KCNK12: variants seen among roughly 807,000 people sequenced by gnomAD.
The protein encoded by KCNK12 is potassium channel subfamily K member 12.
A neutral mutation model predicts 25.3 loss-of-function variants in KCNK12; 6 were observed. That is an observed-to-expected ratio of 0.24 (90% confidence interval 0.13 to 0.47). The LOEUF (loss-of-function observed/expected upper bound fraction) is 0.47. Among genes scored for constraint, KCNK12 ranks in the 20% least tolerant of loss-of-function variants. The probability of loss-of-function intolerance (pLI) is 0.99; values close to 1 mark genes in which losing one functional copy is unlikely to be tolerated. For synonymous variants in KCNK12, 331 were observed against 311.1 expected, an observed-to-expected ratio of 1.06 and a Z score of -0.67; for missense variants, 444 against 661.7, an observed-to-expected ratio of 0.67 and a Z score of 3.61.
At position 47,562,171 on chromosome 2, in the gene KCNK12, C is replaced by T. The variant is rs181261361; in HGVS notation, c.391+7770G>A. 1 of 398,664 alleles carries T rather than the reference C, an allele frequency of 2.5e-6. No individual in the cohort carries two copies. The highest frequency in any genetic ancestry group is 4.4e-6 in the Non-Finnish European group (1 of 226,088). 24.7% of individuals were successfully genotyped at this position (398,664 alleles called of 1,614,324 possible). ...CAGGTCCCACCCCAGACCTACTCAA[C>T]AGAAACTACTTGGTAAGCAGATTCC... On this transcript the variant is annotated intron_variant, in intron 1 of 1. Transcript: ENST00000327876. The surrounding 1 kb of genome is among the most constrained non-coding windows in gnomAD (Gnocchi z 4.8).
chr2:47,553,009 G>T (rs943467005), intron 1 of KCNK12, among the ~76,000 whole-genome samples: 1 of 152,116 alleles, frequency 6.6e-6, no homozygotes, highest in Non-Finnish European at 1.5e-5. Context: ...TGATCCCCCA[G>T]TTCCTATCCC....
chr2:47,520,409 G>A lies in KCNK12; in HGVS notation c.*498C>T, dbSNP rs558969209. On this transcript the variant is annotated 3_prime_UTR_variant, in exon 2 of 2. Coordinates refer to ENST00000327876, the MANE Select transcript of KCNK12 (RefSeq NM_022055.2). This position sits in a 1 kb window ranked among gnomAD's most constrained non-coding sequence, Gnocchi z 5.0. ...CTGTTCTATATATATACATCGGGAG[G>A]CAACATATGGCTGTCCCAACCCCCA... is the stretch of plus-strand genomic sequence containing the variant. 2.0e-5 allele frequency: 3 copies of A among 152,726 alleles called. No individual in the cohort carries two copies. Among genetic ancestry groups the A allele is most frequent in the South Asian group, 4.1e-4 (2 of 4,832 alleles). The allele number at this position is 152,726 out of a possible 1,614,324, so 9.5% of individuals were successfully genotyped here.
intron 1 of KCNK12, among the ~76,000 whole-genome samples, chr2:47,539,109 AC>A (rs1440549180): frequency 3.3e-5 from 5 of 152,196 alleles, no homozygotes; most frequent in Admixed American, 3.3e-4. Context: ...TGTGGTCATC[AC>A]CATAACCCAG....
At chr2:47,534,179 C>T (rs1037606957) in intron 1 of KCNK12, among the ~76,000 whole-genome samples, 4 of 151,974 alleles carry the variant, frequency 2.6e-5, no homozygotes, top group African/African-American at 4.8e-5. Flanking sequence ...TTCTTTGAAT[C>T]GACTTTGTAC....
rs1669839568 is a variant in KCNK12 at position 47,569,157 on chromosome 2, A to G, written c.391+784T>C. Among the ~76,000 whole-genome samples, 1 of 152,182 alleles carries G rather than the reference A, an allele frequency of 6.6e-6. No homozygotes were observed. The highest frequency in any genetic ancestry group is 1.5e-5 in the Non-Finnish European group (1 of 68,036). On this transcript the variant is annotated intron_variant, in intron 1 of 1. Transcript: ENST00000327876. This position sits in a 1 kb window ranked among gnomAD's most constrained non-coding sequence, Gnocchi z 4.1. ...AAGGTTGAGAAAACGTGAACTGTTT[A>G]TATCCAAAAAAAGAGAGAAGAGATG... is the stretch of plus-strand genomic sequence containing the variant.
At chr2:47,532,647 G>A (rs570321444) in intron 1 of KCNK12, among the ~76,000 whole-genome samples, 2 of 152,320 alleles carry the variant, frequency 1.3e-5, no homozygotes, top group Non-Finnish European at 1.5e-5. Context: ...CGTTCCATCT[G>A]GTAACATTGG....
chr2:47,549,351 C>T (rs1669377263), intron 1 of KCNK12, among the ~76,000 whole-genome samples: 1 of 152,064 alleles, frequency 6.6e-6, no homozygotes, highest in Non-Finnish European at 1.5e-5. Context: ...GAACAAAGTC[C>T]AACCCTGCTT....
rs1338576512 is a variant in KCNK12 at position 47,514,967 on chromosome 2, C to T, written c.*5940G>A. 6.6e-6 allele frequency among the ~76,000 whole-genome samples: 1 copy of T among 152,048 alleles called. No homozygotes were observed. Among genetic ancestry groups the T allele is most frequent in the East Asian group, 1.9e-4 (1 of 5,192 alleles). The stretch of plus-strand genomic sequence containing the variant: ...ATACACTCATAGAAAGGTAACTGGC[C>T]ACAGAAGGGAGAGGAATGGCAGTCC... On this transcript the variant is annotated 3_prime_UTR_variant, in exon 2 of 2. Transcript: ENST00000327876. This position sits in a 1 kb window ranked among gnomAD's most constrained non-coding sequence, Gnocchi z 5.0.
intron 1 of KCNK12, chr2:47,563,434 G>A (rs1669724729): frequency 4.3e-6 from 1 of 233,150 alleles, no homozygotes. Flanking sequence ...ACCTACCTTT[G>A]GCAATATTGA....
chr2:47,568,060 G>C (rs1200181850), intron 1 of KCNK12, among the ~76,000 whole-genome samples: 1 of 152,156 alleles, frequency 6.6e-6, no homozygotes, highest in Non-Finnish European at 1.5e-5. Flanking sequence ...TATTTGGATG[G>C]ACTCATGGCC....
In KCNK12 at chr2:47,516,163, ATG is replaced by A. The variant is rs1668519922; in HGVS notation, c.*4742_*4743del. Among the ~76,000 whole-genome samples, 2 of 152,076 alleles carry A rather than the reference ATG, an allele frequency of 1.3e-5. No homozygotes were observed. The highest frequency in any genetic ancestry group is 2.9e-5 in the Non-Finnish European group (2 of 68,008). On this transcript the variant is annotated 3_prime_UTR_variant, in exon 2 of 2. Coordinates refer to ENST00000327876, the MANE Select transcript of KCNK12 (RefSeq NM_022055.2). ...TGGACGCTCTTTCTACACCACCATAATGTGAGTGTTCTGTGTTTACAGGGTGT... is the reference window on the plus strand; with the variant it reads ...TGGACGCTCTTTCTACACCACCATAATGAGTGTTCTGTGTTTACAGGGTGT...
intron 1 of KCNK12, among the ~76,000 whole-genome samples, chr2:47,539,106 A>T (rs1669138585): frequency 6.6e-6 from 1 of 152,228 alleles, no homozygotes; most frequent in South Asian, 2.1e-4. Flanking sequence ...TAATGTGGTC[A>T]TCACCATAAC....
chr2:47,560,759 A>G lies in KCNK12; in HGVS notation c.391+9182T>C, dbSNP rs1173882442. ...AAACATGACATGTGGCAGGGAGGGG[A>G]GTCAATCAGGGAGACCAACAATGCC... On this transcript the variant is annotated intron_variant, in intron 1 of 1. Coordinates refer to ENST00000327876, the MANE Select transcript of KCNK12 (RefSeq NM_022055.2). The surrounding 1 kb of genome is among the most constrained non-coding windows in gnomAD (Gnocchi z 4.7). Among the ~76,000 whole-genome samples the G allele has an allele frequency of 6.6e-6, 1 of 152,176 alleles. No individual in the cohort carries two copies. Among genetic ancestry groups the G allele is most frequent in the African/African-American group, 2.4e-5 (1 of 41,428 alleles).
At position 47,570,462 on chromosome 2, in the gene KCNK12, C is replaced by T; in HGVS notation, c.-131G>A. The T allele has an allele frequency of 1.0e-6, 1 of 975,314 alleles. No individual in the cohort carries two copies. The highest frequency in any genetic ancestry group is 4.6e-5 in the Admixed American group (1 of 21,828). The allele number at this position is 975,314 out of a possible 1,614,324, so 60.4% of individuals were successfully genotyped here. ...GCCGCGGAGCCCCTCGCCGCCTTCG[C>T]AGAGCCCCTCGTCGCCTTCCCAGAG... On this transcript the variant is annotated 5_prime_UTR_variant, in exon 1 of 2. Coordinates refer to ENST00000327876, the MANE Select transcript of KCNK12 (RefSeq NM_022055.2).
rs1360523340 is a variant in KCNK12 at position 47,533,927 on chromosome 2, G to C, written c.392-12119C>G. ...TTGGGTGCGCAGTGATCCGGACAGA[G>C]AGGCTCCAGTCAGCCAGGCACAGAG... On this transcript the variant is annotated intron_variant, in intron 1 of 1. Coordinates refer to ENST00000327876, the MANE Select transcript of KCNK12 (RefSeq NM_022055.2). The surrounding 1 kb of genome is among the most constrained non-coding windows in gnomAD (Gnocchi z 4.7). Among the ~76,000 whole-genome samples, 1 of 152,044 alleles carries C rather than the reference G, an allele frequency of 6.6e-6. No individual in the cohort carries two copies. The highest frequency in any genetic ancestry group is 2.4e-5 in the African/African-American group (1 of 41,388).
chr2:47,550,378 C>CTTTTT lies in KCNK12; in HGVS notation c.391+19558_391+19562dup, dbSNP rs746872422. 6.2e-4 allele frequency among the ~76,000 whole-genome samples: 64 copies of CTTTTT among 103,172 alleles called. 2 individuals are homozygous for CTTTTT. The highest frequency in any genetic ancestry group is 1.4e-3 in the African/African-American group (31 of 22,140). 67.7% of individuals were successfully genotyped at this position (103,172 alleles called of 152,430 possible). ...ACAGATAGAGAAAAATATTCACAGACTTTTTTTTTTTTTTTTTTTTTTGAG... is the reference window on the plus strand; with the variant it reads ...ACAGATAGAGAAAAATATTCACAGACTTTTTTTTTTTTTTTTTTTTTTTTTTTGAG... On this transcript the variant is annotated intron_variant, in intron 1 of 1. Transcript: ENST00000327876.
Position 47,533,329 on chromosome 2 carries a change from T to C in KCNK12, c.392-11521A>G, listed in dbSNP as rs567657668. Among the ~76,000 whole-genome samples the C allele has an allele frequency of 5.0e-4, 76 of 152,304 alleles. No individual in the cohort carries two copies. The South Asian group carries it at 0.014, about 29-fold the overall frequency. On this transcript the variant is annotated intron_variant, in intron 1 of 1. Transcript: ENST00000327876. This position sits in a 1 kb window ranked among gnomAD's most constrained non-coding sequence, Gnocchi z 4.7. Reference sequence around the variant, plus strand: ...CCCGGCCCACTGCCCTACCTCTGAATGTCACTGTGAAGATTAAATGAGGAT... The same window carrying C: ...CCCGGCCCACTGCCCTACCTCTGAACGTCACTGTGAAGATTAAATGAGGAT...
intron 1 of KCNK12, among the ~76,000 whole-genome samples, chr2:47,537,273 C>G (rs974505229): frequency 2.6e-5 from 4 of 152,176 alleles, no homozygotes; most frequent in African/African-American, 9.7e-5. Context: ...TGTGTGCACA[C>G]ACGCGTACTT....
In KCNK12 at chr2:47,521,738, G is replaced by A. The variant is rs746883006; in HGVS notation, c.462C>T (p.Cys154=). The part of the protein sequence containing the change: ...AFLIAYGLFG[C]AGTILFFNLF... ...GGTTGAAGAACAGGATGGTCCCAGCGCAGCCGAACAGCCCGTAGGCGATGA... is the reference window on the plus strand; with the variant it reads ...GGTTGAAGAACAGGATGGTCCCAGCACAGCCGAACAGCCCGTAGGCGATGA... The change falls in exon 2 of 2, where the codon TGC becomes TGT. Residue 154 remains cysteine (C), a synonymous_variant. Transcript: ENST00000327876. 3.2e-6 allele frequency: 5 copies of A among 1,579,036 alleles called. No individual in the cohort carries two copies. The South Asian group carries it at 3.6e-5, about 11-fold the overall frequency.
Sources: allele counts gnomAD v4.1 joint callset (sites outside exome capture counted in the v4.1 genomes callset), GRCh38; gene constraint gnomAD v4.1.1; non-coding constraint Gnocchi (gnomAD v3.1); transcripts MANE v1.5; gene names NCBI Gene and HGNC (gene_info 2026-07-23, HGNC 2026-07-21).